The following MCOLN2 variants were observed in gnomAD, a reference collection of about 807,000 sequenced individuals.
MCOLN2 encodes mucolipin-2.
In MCOLN2, 57 loss-of-function variants were observed where a neutral mutation model predicts 67.5. That is an observed-to-expected ratio of 0.84 (90% CI 0.68 to 1.05). The LOEUF is 1.05. MCOLN2 is among the 50% of genes least tolerant of loss of function. MCOLN2 has a pLI of 0.00. For synonymous variants in MCOLN2, 246 were observed against 233.3 expected (o/e 1.05, Z -0.50); for missense variants, 620 against 678.8 (o/e 0.91, Z 0.96).
At chr1:84,974,934 G>C (rs1649921559) in intron 1 of MCOLN2, among the ~76,000 whole-genome samples, 1 of 152,172 alleles carries the variant, frequency 6.6e-6, no homozygotes, top group Non-Finnish European at 1.5e-5. Context: ...GATGACCATG[G>C]GGAAGGTCTC....
chr1:84,959,964 C>A lies in MCOLN2; in HGVS notation c.238-1262G>T, dbSNP rs547556608. ...GCTGTAGTCCCAGCTGCTTGGGAGG[C>A]CGAGGTGGGAGGATCACTTAAGCCC... On this transcript the variant is annotated intron_variant, in intron 2 of 13. Transcript: ENST00000370608. Among the ~76,000 whole-genome samples, 5 of 152,186 alleles carry A rather than the reference C, an allele frequency of 3.3e-5. No individual in the cohort carries two copies. In the East Asian group the frequency reaches 9.6e-4, roughly 29 times the overall value.
chr1:84,952,998 T>C (rs1648581855), intron 4 of MCOLN2, among the ~76,000 whole-genome samples: 1 of 152,220 alleles, frequency 6.6e-6, no homozygotes, highest in African/African-American at 2.4e-5. Context: ...TTATCCTGAA[T>C]AGGATCTTGG....
intron 1 of MCOLN2, among the ~76,000 whole-genome samples, chr1:84,990,826 T>C (rs1237254886): frequency 1.3e-5 from 2 of 151,466 alleles, no homozygotes; most frequent in Non-Finnish European, 2.9e-5. Flanking sequence ...CCCAATTACT[T>C]GGGGGGGCTG....
intron 1 of MCOLN2, among the ~76,000 whole-genome samples, chr1:84,977,768 G>A (rs982132365): frequency 1.3e-5 from 2 of 152,136 alleles, no homozygotes; most frequent in Non-Finnish European, 1.5e-5. Context: ...TAATAAGAGA[G>A]ATAGGCCCCA....
intron 1 of MCOLN2, among the ~76,000 whole-genome samples, chr1:84,976,948 T>C (rs1650018591): frequency 1.3e-5 from 2 of 152,110 alleles, no homozygotes; most frequent in Admixed American, 6.6e-5. Context: ...ACAAAAAATA[T>C]TATAACCCTG....
chr1:84,996,393 CATATATAT>C lies in MCOLN2; in HGVS notation c.77+395_77+402del, dbSNP rs6143310. Among the ~76,000 whole-genome samples the C allele has an allele frequency of 7.9e-3, 982 of 123,894 alleles. 18 individuals are homozygous for C. The highest frequency in any genetic ancestry group is 0.022 in the African/African-American group (625 of 28,900). The allele number at this position is 123,894 out of a possible 152,430, so 81.3% of individuals were successfully genotyped here. ...CACACTTACACATACGTATATATTT[CATATATAT>C]ATATATATATATATATATATATATA... On this transcript the variant is annotated intron_variant, in intron 1 of 13. Transcript: ENST00000370608.
At chr1:84,953,390 A>G (rs964120234) in intron 4 of MCOLN2, among the ~76,000 whole-genome samples, 1 of 152,114 alleles carries the variant, frequency 6.6e-6, no homozygotes, top group East Asian at 1.9e-4. Flanking sequence ...TCTCTACTAA[A>G]AATACAAAAT....
Position 84,940,895 on chromosome 1 carries a change from G to A in MCOLN2, c.944C>T (p.Ala315Val). The part of the protein sequence containing the change: ...LILCTRSIVL[A>V]LRLRKRFLNF... Reference sequence around the variant, plus strand: ...CACTCTTACCTTCCGTAACCTTAGAGCAAGAACAATGGATCTTGTACACAG... The same window carrying A: ...CACTCTTACCTTCCGTAACCTTAGAACAAGAACAATGGATCTTGTACACAG... The change falls in exon 8 of 14, where the codon GCT (alanine) becomes GTT (valine). Residue 315 changes from alanine (A) to valine (V), a missense_variant. Ala to Val is a moderately conservative substitution (Grantham distance 64, BLOSUM62 0). Transcript: ENST00000370608. 1 of 1,611,810 alleles carries A rather than the reference G, an allele frequency of 6.2e-7. No individual in the cohort carries two copies. The highest frequency in any genetic ancestry group is 8.5e-7 in the Non-Finnish European group (1 of 1,178,492).
chr1:84,957,873 G>A (rs1046651065), intron 3 of MCOLN2, among the ~76,000 whole-genome samples: 6 of 152,158 alleles, frequency 3.9e-5, no homozygotes, highest in African/African-American at 1.4e-4. Flanking sequence ...AATAACACCT[G>A]CTACATATTA....
chr1:84,973,981 T>C (rs1489120658), intron 1 of MCOLN2, among the ~76,000 whole-genome samples: 1 of 152,178 alleles, frequency 6.6e-6, no homozygotes, highest in Non-Finnish European at 1.5e-5. Flanking sequence ...TGCCTCTGCA[T>C]GCTGTGGGAG....
chr1:84,936,187 G>C (rs188575686), intron 11 of MCOLN2, among the ~76,000 whole-genome samples: 90 of 152,306 alleles, frequency 5.9e-4, no homozygotes, highest in African/African-American at 2.1e-3. Flanking sequence ...GGGAGATGAA[G>C]AATCTTGGGC....
At chr1:84,956,617 T>A (rs1193219221) in intron 3 of MCOLN2, 33 bp from the exon 4 acceptor site, 1 of 1,541,754 alleles carries the variant, frequency 6.5e-7, no homozygotes, top group Admixed American at 2.2e-5. Context: ...AAACCACATA[T>A]GACCTTTTAT....
chr1:84,987,472 A>C (rs1479471635), intron 1 of MCOLN2, among the ~76,000 whole-genome samples: 3 of 65,856 alleles, frequency 4.6e-5, no homozygotes, highest in East Asian at 1.1e-3. Context: ...GTATATATAG[A>C]TATATATACA....
chr1:84,958,823 GT>G, intron 2 of MCOLN2, 121 bp from the exon 3 acceptor site: 1 of 707,786 alleles, frequency 1.4e-6, no homozygotes, highest in Non-Finnish European at 2.2e-6. Flanking sequence ...ATTTTTTTTG[GT>G]TTATACTAAT....
intron 4 of MCOLN2, among the ~76,000 whole-genome samples, chr1:84,953,423 G>A (rs1036321323): frequency 8.6e-5 from 13 of 151,952 alleles, no homozygotes; most frequent in African/African-American, 2.9e-4. Flanking sequence ...GGTGGCGTGC[G>A]CCTGTAATCC....
Position 84,937,896 on chromosome 1 carries a change from T to C in MCOLN2, c.1213-19A>G, listed in dbSNP as rs1647525111. ...TCAGCACCTGAAAAAAAGAACAGAA[T>C]GGGTGAAATGAAAAAGTAGCTATTA... On this transcript the variant is annotated intron_variant, in intron 10 of 13. Transcript: ENST00000370608. The C allele has an allele frequency of 1.9e-6, 3 of 1,613,942 alleles. No individual in the cohort carries two copies. Among genetic ancestry groups the C allele is most frequent in the Non-Finnish European group, 1.7e-6 (2 of 1,179,972 alleles).
intron 7 of MCOLN2, among the ~76,000 whole-genome samples, chr1:84,943,878 CAAG>C (rs1291706950): frequency 6.6e-6 from 1 of 152,164 alleles, no homozygotes; most frequent in African/African-American, 2.4e-5. Context: ...CATTTACACT[CAAG>C]AAAGTTATCT....
chr1:84,926,832 T>G (rs745747567), intron 13 of MCOLN2, 111 bp from the exon 14 acceptor site: 18 of 697,624 alleles, frequency 2.6e-5, no homozygotes, highest in Non-Finnish European at 3.6e-5. Flanking sequence ...ACATGTTGAG[T>G]GAAACATAGA....
In MCOLN2 at chr1:84,947,065, T is replaced by C. The variant is rs780509231; in HGVS notation, c.815A>G (p.Glu272Gly). The change falls in exon 7 of 14, where the codon GAA (glutamate) becomes GGA (glycine). Residue 272 changes from glutamate (E) to glycine (G), a missense_variant. By Grantham distance (98) the Glu-to-Gly change is moderately conservative. Coordinates refer to ENST00000370608, the MANE Select transcript of MCOLN2 (RefSeq NM_153259.4). ...KIYFDSDAKI[E>G]ECKDLNIFGS... ...AAATATGTTCAAGTCTTTACATTCT[T>C]CAATTTTGGCATCACTGTCAAAATA... 1.2e-5 allele frequency: 19 copies of C among 1,594,094 alleles called. No individual in the cohort carries two copies. In the South Asian group the frequency reaches 2.1e-4, roughly 18 times the overall value.
Sources: gnomAD v4.1 joint callset for allele counts (sites outside exome capture counted in the v4.1 genomes callset) on GRCh38, gnomAD v4.1.1 for gene constraint, MANE v1.5 for transcripts, NCBI Gene and HGNC (gene_info 2026-07-23, HGNC 2026-07-21) for gene names.